Variants in SYT6 observed in about 807,000 individuals in gnomAD.
SYT6 encodes the protein synaptotagmin-6.
Under a neutral mutation model 38.4 loss-of-function variants are expected in SYT6, and 24 were observed. The ratio of observed to expected loss-of-function variants is 0.62; its 90% CI spans 0.45 to 0.88. The LOEUF (loss-of-function observed/expected upper bound fraction) is 0.88, where lower values mean the gene tolerates loss of function less well. Ranked by LOEUF, SYT6 falls within the 40% of genes least tolerant of loss-of-function variation. The pLI, the probability that SYT6 is intolerant of heterozygous loss-of-function variation, is 0.00. For synonymous variants in SYT6, 265 were observed against 241.9 expected (o/e 1.10, Z -0.89); for missense variants, 611 against 621.0 (o/e 0.98, Z 0.17).
intron 3 of SYT6, among the ~76,000 whole-genome samples, chr1:114,104,386 G>A (rs1282723250): frequency 6.6e-6 from 1 of 152,200 alleles, no homozygotes. Flanking sequence ...ACGCTCTGCT[G>A]CCTCTCCTAA....
chr1:114,136,898 G>A (rs1414716494), intron 3 of SYT6, among the ~76,000 whole-genome samples: 1 of 146,212 alleles, frequency 6.8e-6, no homozygotes, highest in Non-Finnish European at 1.5e-5. Context: ...TTGTTCTAAT[G>A]GGAGTGGAAG....
chr1:114,102,966 G>C (rs138918943), intron 4 of SYT6, among the ~76,000 whole-genome samples: 90 of 152,326 alleles, frequency 5.9e-4, no homozygotes, highest in African/African-American at 2.1e-3. Context: ...TCTCTGTGCA[G>C]CTGCCCCCAA....
At chr1:114,151,172 C>A (rs1465883175) in intron 1 of SYT6, among the ~76,000 whole-genome samples, 4 of 152,282 alleles carry the variant, frequency 2.6e-5, no homozygotes, top group Non-Finnish European at 5.9e-5. Context: ...TCCCCAGACC[C>A]TCTGGTCACC....
At chr1:114,106,795 C>T (rs937654984) in intron 3 of SYT6, among the ~76,000 whole-genome samples, 5 of 152,258 alleles carry the variant, frequency 3.3e-5, no homozygotes, top group South Asian at 2.1e-4. Context: ...TTCCTGTCCT[C>T]GAACAGCTCA....
chr1:114,122,537 G>A (rs1324776760), intron 3 of SYT6, among the ~76,000 whole-genome samples: 4 of 150,486 alleles, frequency 2.7e-5, no homozygotes, highest in Non-Finnish European at 5.9e-5. Flanking sequence ...ACACACACAC[G>A]TGGGGCTGCC....
chr1:114,109,528 A>T (rs147814618), intron 3 of SYT6, among the ~76,000 whole-genome samples: 2 of 152,334 alleles, frequency 1.3e-5, no homozygotes, highest in African/African-American at 4.8e-5. Context: ...GTACAGTGGG[A>T]TGAATATAGG....
chr1:114,097,690 G>A (rs1454050897), intron 6 of SYT6, 37 bp downstream of exon 6: 1 of 1,607,944 alleles, frequency 6.2e-7, no homozygotes, highest in East Asian at 2.2e-5. Flanking sequence ...ACACTGCCAT[G>A]CAGCAAACAT....
intron 3 of SYT6, among the ~76,000 whole-genome samples, chr1:114,127,477 G>A (rs1469730723): frequency 1.2e-5 from 1 of 82,928 alleles, no homozygotes; most frequent in Non-Finnish European, 2.6e-5. Context: ...GTTGGCTTTA[G>A]AACCTGGGGC....
chr1:114,129,359 T>C (rs1370078553), intron 3 of SYT6, among the ~76,000 whole-genome samples: 1 of 152,190 alleles, frequency 6.6e-6, no homozygotes, highest in Non-Finnish European at 1.5e-5. Context: ...GCCCATCAGC[T>C]GCAGTGATCC....
chr1:114,121,180 A>G (rs908237253), intron 3 of SYT6, among the ~76,000 whole-genome samples: 2 of 152,172 alleles, frequency 1.3e-5, no homozygotes, highest in Non-Finnish European at 2.9e-5. Flanking sequence ...TACTCCTAAC[A>G]TCTCAGAATG....
intron 1 of SYT6, chr1:114,152,555 T>C (rs1679498711): frequency 6.6e-6 from 1 of 151,732 alleles, no homozygotes; most frequent in African/African-American, 2.4e-5. Flanking sequence ...CCTCCAGATA[T>C]CGGGACAAAG....
chr1:114,143,514 TTA>T (rs1207697330), intron 1 of SYT6, among the ~76,000 whole-genome samples: 1 of 148,874 alleles, frequency 6.7e-6, no homozygotes, highest in South Asian at 2.1e-4. Flanking sequence ...TATATATAAC[TTA>T]TATGTGTATA....
intron 3 of SYT6, among the ~76,000 whole-genome samples, chr1:114,130,532 C>T (rs941536589): frequency 6.6e-6 from 1 of 152,184 alleles, no homozygotes; most frequent in African/African-American, 2.4e-5. Context: ...CTGAATTCTC[C>T]TTCTGCCATC....
chr1:114,103,888 A>AAATGGAAG (rs1419274134), intron 3 of SYT6, among the ~76,000 whole-genome samples, 167 bp from the exon 4 acceptor site: 1 of 152,228 alleles, frequency 6.6e-6, no homozygotes, highest in Non-Finnish European at 1.5e-5. Context: ...GTAACAGGGT[A>AAATGGAAG]TAAAAGGCAA....
intron 3 of SYT6, among the ~76,000 whole-genome samples, chr1:114,114,936 C>A (rs1676907875): frequency 2.0e-5 from 3 of 152,198 alleles, no homozygotes; most frequent in Admixed American, 6.5e-5. Context: ...CCACTTACTT[C>A]CCTTTGCCTT....
At chr1:114,098,287 T>G (rs1301983344) in intron 5 of SYT6, among the ~76,000 whole-genome samples, 1 of 152,232 alleles carries the variant, frequency 6.6e-6, no homozygotes, top group East Asian at 1.9e-4. Flanking sequence ...TGTGATTTAT[T>G]CACTCGGTAA....
At position 114,091,703 on chromosome 1, in the gene SYT6, A is replaced by C; in HGVS notation, c.*431T>G. 4.0e-6 allele frequency: 1 copy of C among 247,106 alleles called. No individual in the cohort carries two copies. The highest frequency in any genetic ancestry group is 2.2e-5 in the African/African-American group (1 of 44,750). The allele number at this position is 247,106 out of a possible 1,614,324, so 15.3% of individuals were successfully genotyped here. On this transcript the variant is annotated 3_prime_UTR_variant, in exon 8 of 8. Coordinates refer to ENST00000610222, the MANE Select transcript of SYT6 (RefSeq NM_001253772.2). ...CAAAAAACTGTACCTTGTATTTTCT[A>C]GAACCAACTTCTGGGCTTTCCACCC... is the stretch of plus-strand genomic sequence containing the variant.
intron 3 of SYT6, among the ~76,000 whole-genome samples, chr1:114,114,362 C>T (rs1421598432): frequency 6.6e-6 from 1 of 152,224 alleles, no homozygotes; most frequent in Non-Finnish European, 1.5e-5. Flanking sequence ...TGGTGTATAA[C>T]AGATGCTGAC....
chr1:114,152,030 A>G (rs1299118801), intron 1 of SYT6, among the ~76,000 whole-genome samples: 6 of 152,146 alleles, frequency 3.9e-5, no homozygotes, highest in Admixed American at 3.9e-4. Flanking sequence ...CACAGGGCTC[A>G]GGTGGGCTCC....
Sources: gnomAD v4.1 joint callset for allele counts (sites outside exome capture counted in the v4.1 genomes callset) on GRCh38, gnomAD v4.1.1 for gene constraint, MANE v1.5 for transcripts, NCBI Gene and HGNC (gene_info 2026-07-23, HGNC 2026-07-21) for gene names.